Variants in RNF19A observed in about 807,000 individuals in gnomAD.
The protein encoded by RNF19A is E3 ubiquitin-protein ligase RNF19A.
In RNF19A, 32 loss-of-function variants were observed where a neutral mutation model predicts 75.7. The ratio of observed to expected loss-of-function variants is 0.42; its 90% CI spans 0.32 to 0.57. RNF19A has a LOEUF of 0.57. Ranked by LOEUF, RNF19A falls within the 20% of genes least tolerant of loss-of-function variation. The pLI is 0.10. For missense variants in RNF19A, 782 were observed against 1,036.3 expected (o/e 0.75, Z 3.37); for synonymous variants, 335 against 345.2 (o/e 0.97, Z 0.33).
chr8:100,270,112 T>C, intron 3 of RNF19A, 99 bp from the exon 4 acceptor site: 1 of 1,052,754 alleles, frequency 9.5e-7, no homozygotes, highest in Non-Finnish European at 1.3e-6. Context: ...AATCTTAAGA[T>C]GTAGTTTGTT....
chr8:100,290,314 C>T (rs909223329), intron 1 of RNF19A, among the ~76,000 whole-genome samples: 3 of 152,164 alleles, frequency 2.0e-5, no homozygotes, highest in Admixed American at 2.0e-4. Flanking sequence ...GTTGGTCAGG[C>T]TGGCCTCGAA....
Position 100,288,184 on chromosome 8 carries a change from G to C in RNF19A, c.-10C>G, listed in dbSNP as rs1344708968. On this transcript the variant is annotated 5_prime_UTR_variant, in exon 2 of 10. Transcript: ENST00000341084. ...TTTCTTGTTCTTGCATTCACATTAA[G>C]TCATGATGTAAGAATATCCTACTTG... The C allele has an allele frequency of 6.3e-6, 10 of 1,585,100 alleles. No homozygotes were observed. Among genetic ancestry groups the C allele is most frequent in the Non-Finnish European group, 6.9e-6 (8 of 1,165,514 alleles).
chr8:100,324,179 A>G lies in RNF19A; in HGVS notation c.-242-10807T>C, dbSNP rs1822499259. 6.6e-6 allele frequency among the ~76,000 whole-genome samples: 1 copy of G among 152,246 alleles called. No individual in the cohort carries two copies. Among genetic ancestry groups the G allele is most frequent in the East Asian group, 1.9e-4 (1 of 5,200 alleles). ...AGCGGAGGAAGCCCAATCTAGATTT[A>G]TAAAGTTAGTTCCATAGATCACATG... On this transcript the variant is annotated intron_variant, in intron 1 of 3. Transcript: ENST00000519527. This position sits in a 1 kb window ranked among gnomAD's most constrained non-coding sequence, Gnocchi z 4.2.
At position 100,260,059 on chromosome 8, in the gene RNF19A, T is replaced by A; in HGVS notation, c.1683-62A>T. The A allele has an allele frequency of 2.1e-6, 3 of 1,409,510 alleles. No homozygotes were observed. The highest frequency in any genetic ancestry group is 3.0e-6 in the Non-Finnish European group (3 of 1,008,828). The allele number at this position is 1,409,510 out of a possible 1,614,324, so 87.3% of individuals were successfully genotyped here. A position where few individuals can be genotyped will look rare whatever the true frequency, so the allele number is the denominator to read the frequency against. ...AATATCAGCACTACTGTAATATGTA[T>A]CTTTAAATAATTCAGTTAAGAACCC... On this transcript the variant is annotated intron_variant, in intron 8 of 9. Coordinates refer to ENST00000341084, the MANE Select transcript of RNF19A (RefSeq NM_183419.4). This position sits in a 1 kb window ranked among gnomAD's most constrained non-coding sequence, Gnocchi z 4.1.
chr8:100,294,454 G>GA (rs1271866833), intron 1 of RNF19A, among the ~76,000 whole-genome samples: 1 of 152,100 alleles, frequency 6.6e-6, no homozygotes, highest in East Asian at 1.9e-4. Context: ...GAACTCCTTG[G>GA]AATCTCCCAA....
chr8:100,262,869 C>T (rs1460083684), intron 7 of RNF19A, among the ~76,000 whole-genome samples: 2 of 151,988 alleles, frequency 1.3e-5, no homozygotes, highest in Admixed American at 1.3e-4. Context: ...AATTTGCTGA[C>T]AGATCAATCA....
intron 1 of RNF19A, among the ~76,000 whole-genome samples, chr8:100,294,937 C>T (rs184562199): frequency 1.1e-3 from 168 of 152,288 alleles, no homozygotes; most frequent in African/African-American, 3.8e-3. Context: ...TTTTGCCTTA[C>T]TTGCTCCAAG....
At chr8:100,286,757 T>C (rs946125773) in intron 2 of RNF19A, among the ~76,000 whole-genome samples, 6 of 152,242 alleles carry the variant, frequency 3.9e-5, no homozygotes, top group African/African-American at 1.4e-4. Context: ...GGTTTACTAA[T>C]AGTATGCTAC....
At chr8:100,262,534 G>A (rs772175232) in intron 7 of RNF19A, among the ~76,000 whole-genome samples, 14 of 152,174 alleles carry the variant, frequency 9.2e-5, no homozygotes, top group Non-Finnish European at 1.6e-4. Context: ...AAATAAGAGG[G>A]TGACAAGAGA....
At position 100,259,954 on chromosome 8, in the gene RNF19A, TTAGACTG is replaced by T; in HGVS notation, c.1719_1725del (p.Tyr573Ter). On this transcript the variant is annotated frameshift_variant, in exon 9 of 10. Transcript: ENST00000341084. LOFTEE classifies it high-confidence loss of function. The surrounding 1 kb of genome is among the most constrained non-coding windows in gnomAD (Gnocchi z 4.5). ...AAGCTGACTGTGCCAGATTCTCCAC[TTAGACTG>T]TACCGTTCTTTCTGTACATCTGCTT... 6.2e-7 allele frequency: 1 copy of T among 1,614,062 alleles called. No individual in the cohort carries two copies. The highest frequency in any genetic ancestry group is 1.3e-5 in the African/African-American group (1 of 75,030).
chr8:100,310,149 T>C, upstream of RNF19A: 1 of 984,842 alleles, frequency 1.0e-6, no homozygotes, highest in African/African-American at 1.7e-5. Context: ...CTCCCACTTC[T>C]TCCTCCCGCC....
At position 100,260,300 on chromosome 8, in the gene RNF19A, T is replaced by C. The variant is rs1301512838; in HGVS notation, c.1683-303A>G. On this transcript the variant is annotated intron_variant, in intron 8 of 9. Transcript: ENST00000341084. The surrounding 1 kb of genome is among the most constrained non-coding windows in gnomAD (Gnocchi z 4.1). ...TTCTCACTCAGCATATGGCACTTTGTAATGTTTCAATGCAAAACACAAAGT... is the reference window on the plus strand; with the variant it reads ...TTCTCACTCAGCATATGGCACTTTGCAATGTTTCAATGCAAAACACAAAGT... 6.6e-6 allele frequency among the ~76,000 whole-genome samples: 1 copy of C among 152,214 alleles called. No individual in the cohort carries two copies. Among genetic ancestry groups the C allele is most frequent in the African/African-American group, 2.4e-5 (1 of 41,466 alleles).
rs1046059400 is a variant in RNF19A at position 100,333,803 on chromosome 8, G to T, written c.-243+2305C>A. Among the ~76,000 whole-genome samples the T allele has an allele frequency of 2.0e-5, 3 of 152,172 alleles. No homozygotes were observed. Among genetic ancestry groups the T allele is most frequent in the African/African-American group, 7.2e-5 (3 of 41,438 alleles). On this transcript the variant is annotated intron_variant, in intron 1 of 3. Transcript: ENST00000519527. The surrounding 1 kb of genome is among the most constrained non-coding windows in gnomAD (Gnocchi z 4.7). The stretch of plus-strand genomic sequence containing the variant: ...ACTGCACTCCAGCCTGGGCAATAGA[G>T]TGACACCCTGTCTGTAAACAATAAC...
upstream of RNF19A, among the ~76,000 whole-genome samples, chr8:100,311,223 G>A (rs189773327): frequency 6.6e-6 from 1 of 152,294 alleles, no homozygotes; most frequent in Non-Finnish European, 1.5e-5. Context: ...AGGCAGTTTA[G>A]GTTTAAGTGT....
chr8:100,283,216 T>TGGCCTTAGCCAACTGAAACAC (rs386413474), intron 2 of RNF19A, among the ~76,000 whole-genome samples: 1 of 18,710 alleles, frequency 5.3e-5, no homozygotes, highest in Non-Finnish European at 9.5e-5. Context: ...GGTAGCAGGG[T>TGGCCTTAGCCAACTGAAACAC]GGCCTTAGCC....
rs1158787296 is a variant in RNF19A, at chr8:100,329,405, A to G, written c.-243+6703T>C. ...TTTTAATGTTCACAAGCTCAAAATG[A>G]GTGAGTTGTGATACAGTGCTGCAAA... is the stretch of plus-strand genomic sequence containing the variant. On this transcript the variant is annotated intron_variant, in intron 1 of 3. Transcript: ENST00000519527. This position sits in a 1 kb window ranked among gnomAD's most constrained non-coding sequence, Gnocchi z 4.3. 6.6e-6 allele frequency among the ~76,000 whole-genome samples: 1 copy of G among 152,180 alleles called. No individual in the cohort carries two copies. The highest frequency in any genetic ancestry group is 1.5e-5 in the Non-Finnish European group (1 of 68,008).
At chr8:100,273,051 GAGA>G (rs568325932) in intron 3 of RNF19A, among the ~76,000 whole-genome samples, 29 of 152,012 alleles carry the variant, frequency 1.9e-4, no homozygotes, top group African/African-American at 6.5e-4. Flanking sequence ...ATTTTTTGTA[GAGA>G]AGGAGTCTCG....
At chr8:100,306,163 C>G (rs1822053458) in intron 1 of RNF19A, among the ~76,000 whole-genome samples, 1 of 152,110 alleles carries the variant, frequency 6.6e-6, no homozygotes, top group East Asian at 1.9e-4. Flanking sequence ...GTTAAAAATG[C>G]TAAGTATACA....
chr8:100,284,353 A>C lies in RNF19A; in HGVS notation c.674+3148T>G, dbSNP rs1030634843. The stretch of plus-strand genomic sequence containing the variant: ...GACATTTTCTTCAAAACACAATCAT[A>C]AAACCTACATCACCAAGTATGTGAA... On this transcript the variant is annotated intron_variant, in intron 2 of 9. Coordinates refer to ENST00000341084, the MANE Select transcript of RNF19A (RefSeq NM_183419.4). This position sits in a 1 kb window ranked among gnomAD's most constrained non-coding sequence, Gnocchi z 4.3. Among the ~76,000 whole-genome samples, 1 of 152,186 alleles carries C rather than the reference A, an allele frequency of 6.6e-6. No individual in the cohort carries two copies. Among genetic ancestry groups the C allele is most frequent in the African/African-American group, 2.4e-5 (1 of 41,462 alleles).
Sources: gnomAD v4.1 joint callset for allele counts (sites outside exome capture counted in the v4.1 genomes callset) on GRCh38, gnomAD v4.1.1 for gene constraint, Gnocchi (gnomAD v3.1) non-coding constraint, MANE v1.5 for transcripts, NCBI Gene and HGNC (gene_info 2026-07-23, HGNC 2026-07-21) for gene names.